GOLGA4: variants seen among roughly 807,000 people sequenced by gnomAD.
GOLGA4 encodes golgin subfamily A member 4.
In GOLGA4, 169 loss-of-function variants were observed where a neutral mutation model predicts 265.9. The ratio of observed to expected loss-of-function variants is 0.64; its 90% CI spans 0.56 to 0.72. GOLGA4 has a LOEUF of 0.72. GOLGA4 is among the 30% of genes least tolerant of loss of function. The pLI, the probability that GOLGA4 is intolerant of heterozygous loss-of-function variation, is 0.00. For missense variants in GOLGA4, 2,482 were observed against 2,483.4 expected (o/e 1.00, Z 0.01); for synonymous variants, 923 against 855.8 (o/e 1.08, Z -1.37).
At chr3:37,317,853 T>G (rs888939328) in intron 11 of GOLGA4, among the ~76,000 whole-genome samples, 1 of 152,182 alleles carries the variant, frequency 6.6e-6, no homozygotes, top group Non-Finnish European at 1.5e-5. Flanking sequence ...ATACGTCCTT[T>G]TAGCCAAATA....
chr3:37,332,554 T>A (rs1292788959), intron 16 of GOLGA4, among the ~76,000 whole-genome samples: 20 of 152,158 alleles, frequency 1.3e-4, no homozygotes, highest in Admixed American at 1.3e-3. Flanking sequence ...AAATTTAATT[T>A]TTATTTAGAA....
rs73825080 is a variant in GOLGA4 at position 37,325,895 on chromosome 3, A to G, written c.4009A>G (p.Lys1337Glu). The G allele has an allele frequency of 1.6e-4, 260 of 1,613,760 alleles. No homozygotes were observed. The African/African-American group carries it at 2.9e-3, about 18-fold the overall frequency. Reference protein sequence around the residue: ...GGNQQQAASEKESCITQLKKE... With the variant: ...GGNQQQAASEEESCITQLKKE... Reference sequence around the variant, plus strand: ...CAATCAGCAACAGGCTGCTTCTGAAAAGGAGTCTTGTATAACACAGTTGAA... The same window carrying G: ...CAATCAGCAACAGGCTGCTTCTGAAGAGGAGTCTTGTATAACACAGTTGAA... Residue 1337 changes from lysine to glutamate, a missense_variant, in exon 14 of 24, where the codon AAG becomes GAG. Physicochemically the swap from Lys to Glu is moderately conservative, Grantham distance 56. Around this residue, in one of 3 missense-constraint regions of GOLGA4, gnomAD observed 4 missense variants for 16.5 expected, o/e 0.24. Coordinates refer to ENST00000361924, the MANE Select transcript of GOLGA4 (RefSeq NM_002078.5).
intron 22 of GOLGA4, among the ~76,000 whole-genome samples, chr3:37,360,848 CT>C (rs1433128924): frequency 6.6e-6 from 1 of 152,038 alleles, no homozygotes; most frequent in Non-Finnish European, 1.5e-5. Flanking sequence ...TTCCCGAAAA[CT>C]TTTTAGGGTA....
Position 37,328,946 on chromosome 3 carries a change from T to G in GOLGA4, c.6062-17T>G. The G allele has an allele frequency of 1.3e-6, 2 of 1,563,046 alleles. No homozygotes were observed. Among genetic ancestry groups the G allele is most frequent in the Non-Finnish European group, 8.6e-7 (1 of 1,160,318 alleles). ...GACTAATGTGTTTTCTTGTGTGTGT[T>G]CATTTTTATTTATTAGATAAGGCCC... On this transcript the variant is annotated splice_polypyrimidine_tract_variant and intron_variant, in intron 15 of 23. Transcript: ENST00000361924.
At chr3:37,313,094 T>A (rs892809398) in intron 10 of GOLGA4, among the ~76,000 whole-genome samples, 37 of 152,138 alleles carry the variant, frequency 2.4e-4, no homozygotes, top group African/African-American at 8.2e-4. Context: ...TCCCAGCTAC[T>A]CTGGAGGCCG....
intron 2 of GOLGA4, among the ~76,000 whole-genome samples, chr3:37,255,612 T>C (rs2096746377): frequency 6.6e-6 from 1 of 152,172 alleles, no homozygotes; most frequent in South Asian, 2.1e-4. Flanking sequence ...TTTAACTTAA[T>C]GAAATCAGGA....
chr3:37,343,180 G>A (rs545507809), intron 20 of GOLGA4, among the ~76,000 whole-genome samples: 2 of 152,218 alleles, frequency 1.3e-5, no homozygotes, highest in Non-Finnish European at 2.9e-5. Context: ...GGAGCGCAAT[G>A]GCGCGATCTC....
At chr3:37,361,403 A>C in intron 23 of GOLGA4, 98 bp downstream of exon 23, 2 of 772,610 alleles carry the variant, frequency 2.6e-6, no homozygotes, top group Non-Finnish European at 4.4e-6. Context: ...TTGTTTAATA[A>C]ATATATGATT....
At chr3:37,345,706 T>A (rs2097053984) in intron 20 of GOLGA4, among the ~76,000 whole-genome samples, 1 of 152,178 alleles carries the variant, frequency 6.6e-6, no homozygotes, top group South Asian at 2.1e-4. Context: ...CCCAGCACTT[T>A]GGGAGGCCAA....
chr3:37,355,267 G>A (rs989874796), intron 22 of GOLGA4, 80 bp downstream of exon 22: 4 of 765,032 alleles, frequency 5.2e-6, no homozygotes, highest in African/African-American at 3.5e-5. Context: ...GGACTTTTGA[G>A]TTGGTAAAAT....
In GOLGA4 at chr3:37,325,223, G is replaced by A. The variant is rs1356427473; in HGVS notation, c.3337G>A (p.Glu1113Lys). Residue 1113 changes from glutamate to lysine, a missense_variant, in exon 14 of 24, where the codon GAA (glutamate) becomes AAA (lysine). Around this residue, in one of 3 missense-constraint regions of GOLGA4, gnomAD observed 1,536 missense variants for 1,483.7 expected, o/e 1.04. Coordinates refer to ENST00000361924, the MANE Select transcript of GOLGA4 (RefSeq NM_002078.5). ...KQDTTLNELQEQLKQKSAHVN... is the reference protein window; with the variant it reads ...KQDTTLNELQKQLKQKSAHVN... The stretch of plus-strand genomic sequence containing the variant: ...GGATACAACATTAAATGAATTACAG[G>A]AACAGTTAAAGCAGAAGTCTGCCCA... The A allele has an allele frequency of 6.2e-7, 1 of 1,612,548 alleles. No individual in the cohort carries two copies. The highest frequency in any genetic ancestry group is 8.5e-7 in the Non-Finnish European group (1 of 1,178,914).
chr3:37,315,380 T>C, intron 10 of GOLGA4, 40 bp from the exon 11 acceptor site: 1 of 1,542,098 alleles, frequency 6.5e-7, no homozygotes, highest in Non-Finnish European at 8.9e-7. Context: ...TCAATGATAA[T>C]ATTTCTTGAG....
chr3:37,249,982 A>G lies in GOLGA4; in HGVS notation c.73-1413A>G, dbSNP rs544047474. 5 of 152,348 alleles carry G rather than the reference A, an allele frequency of 3.3e-5. No homozygotes were observed. In the South Asian group the frequency reaches 8.3e-4, roughly 25 times the overall value. 9.4% of individuals were successfully genotyped at this position (152,348 alleles called of 1,614,324 possible). A position where few individuals can be genotyped will look rare whatever the true frequency, so the allele number is the denominator to read the frequency against. On this transcript the variant is annotated intron_variant, in intron 1 of 23. Transcript: ENST00000361924. ...TTTATTTGTATGTCTGTTTTTTCAC[A>G]TCACTCACTTATGACTCGAAGTCTC...
chr3:37,361,331 C>T, intron 23 of GOLGA4, 26 bp downstream of exon 23: 5 of 1,561,006 alleles, frequency 3.2e-6, no homozygotes, highest in Non-Finnish European at 4.4e-6. Context: ...TGTCTTGTGT[C>T]TTTTGTGCAA....
chr3:37,265,117 T>TTGTGTG (rs35252934), intron 2 of GOLGA4, among the ~76,000 whole-genome samples: 6,221 of 147,608 alleles, frequency 0.042, 141 homozygotes, highest in Non-Finnish European at 0.048. Flanking sequence ...CATGCTCATA[T>TTGTGTG]TGTGTGTGTG....
chr3:37,291,956 C>G (rs918039273), intron 5 of GOLGA4, among the ~76,000 whole-genome samples: 1 of 151,916 alleles, frequency 6.6e-6, no homozygotes, highest in East Asian at 1.9e-4. Context: ...AACTTAATGG[C>G]TTAACACAAC....
intron 2 of GOLGA4, among the ~76,000 whole-genome samples, chr3:37,260,747 C>T (rs2096767443): frequency 6.6e-6 from 1 of 152,128 alleles, no homozygotes; most frequent in African/African-American, 2.4e-5. Flanking sequence ...AGGCCCTTCC[C>T]CCAGTATTAC....
At chr3:37,304,722 A>G (rs1488609121) in intron 10 of GOLGA4, among the ~76,000 whole-genome samples, 1 of 152,238 alleles carries the variant, frequency 6.6e-6, no homozygotes, top group Non-Finnish European at 1.5e-5. Context: ...AAAGGTAGAC[A>G]AAATATATAG....
At chr3:37,270,300 G>A (rs1175776666) in intron 2 of GOLGA4, among the ~76,000 whole-genome samples, 1 of 150,664 alleles carries the variant, frequency 6.6e-6, no homozygotes, top group Non-Finnish European at 1.5e-5. Context: ...CTGCCTCCAG[G>A]ATTAAAGCGA....
Sources: gnomAD v4.1 joint callset for allele counts (sites outside exome capture counted in the v4.1 genomes callset) on GRCh38, gnomAD v4.1.1 for gene constraint, gnomAD v4.1.1 regional missense constraint, MANE v1.5 for transcripts, NCBI Gene and HGNC (gene_info 2026-07-23, HGNC 2026-07-21) for gene names.